ST18: variants seen among roughly 807,000 people sequenced by gnomAD.
ST18 encodes suppression of tumorigenicity 18 protein.
In ST18, 50 loss-of-function variants were observed where a neutral mutation model predicts 110.0. That is an observed-to-expected ratio of 0.45 (90% CI 0.36 to 0.58). The LOEUF (loss-of-function observed/expected upper bound fraction) is 0.58. ST18 is among the 20% of genes least tolerant of loss of function. ST18 has a pLI of 0.00. For missense variants in ST18, 1,306 were observed against 1,280.1 expected, an observed-to-expected ratio of 1.02 and a Z score of -0.31; for synonymous variants, 461 against 452.4, an observed-to-expected ratio of 1.02 and a Z score of -0.24.
chr8:52,129,980 G>T lies in ST18; in HGVS notation c.2666+1978C>A, dbSNP rs186205577. Among the ~76,000 whole-genome samples the T allele has an allele frequency of 2.3e-3, 356 of 152,014 alleles. 1 individual carries two copies. Among genetic ancestry groups the T allele is most frequent in the African/African-American group, 8.3e-3 (342 of 41,446 alleles). ...GAATCATTTGAACTGGGGAGGCAGA[G>T]GTTGCAGTGAGCCGAGGTCGAGCCC... On this transcript the variant is annotated intron_variant, in intron 22 of 25. Transcript: ENST00000689386.
chr8:52,141,696 C>G (rs939737834), intron 17 of ST18, among the ~76,000 whole-genome samples: 1 of 152,076 alleles, frequency 6.6e-6, no homozygotes, highest in African/African-American at 2.4e-5. Context: ...CCTGCAGAAG[C>G]CTTGGGGACA....
At chr8:52,373,282 C>A (rs1443414328) in intron 2 of ST18, among the ~76,000 whole-genome samples, 1 of 152,152 alleles carries the variant, frequency 6.6e-6, no homozygotes, top group Non-Finnish European at 1.5e-5. Flanking sequence ...ACTGTTGAAT[C>A]TCATGATATC....
intron 2 of ST18, among the ~76,000 whole-genome samples, chr8:52,329,367 G>C (rs1808080893): frequency 6.6e-6 from 1 of 151,978 alleles, no homozygotes; most frequent in South Asian, 2.1e-4. Context: ...AGGCTTCATG[G>C]AGACAGCCTC....
At chr8:52,158,406 C>T (rs1192675379) in intron 15 of ST18, among the ~76,000 whole-genome samples, 1 of 152,186 alleles carries the variant, frequency 6.6e-6, no homozygotes, top group Non-Finnish European at 1.5e-5. Flanking sequence ...GCAACTTAGA[C>T]TATCTTATGT....
intron 8 of ST18, among the ~76,000 whole-genome samples, chr8:52,205,859 C>G (rs139400593): frequency 6.6e-6 from 1 of 152,180 alleles, no homozygotes; most frequent in Non-Finnish European, 1.5e-5. Flanking sequence ...TGAGCCACTA[C>G]GCCCGGCCAG....
chr8:52,143,027 G>A lies in ST18; in HGVS notation c.2071C>T (p.Leu691=). 3 of 1,612,158 alleles carry A rather than the reference G, an allele frequency of 1.9e-6. No homozygotes were observed. Among genetic ancestry groups the A allele is most frequent in the Non-Finnish European group, 2.5e-6 (3 of 1,178,354 alleles). ...AACTTTTTTTCCTCTAAATTTTCTAGAGAGCTCACTGGGTCTTTCTGGAAA... is the reference window on the plus strand; with the variant it reads ...AACTTTTTTTCCTCTAAATTTTCTAAAGAGCTCACTGGGTCTTTCTGGAAA... ...EEKEKDPVSS[L]ENLEEKKFPG... is the part of the protein sequence containing the mutation. The change falls in exon 17 of 26, where the codon CTA becomes TTA. Residue 691 remains leucine (L), a synonymous_variant. Transcript: ENST00000689386.
chr8:52,204,912 G>T (rs2079391536), intron 8 of ST18, among the ~76,000 whole-genome samples: 1 of 151,984 alleles, frequency 6.6e-6, no homozygotes, highest in African/African-American at 2.4e-5. Flanking sequence ...AGAAAAACAG[G>T]CAAAGAAAAT....
chr8:52,235,093 T>C (rs1564226587), intron 2 of ST18, among the ~76,000 whole-genome samples: 1 of 151,988 alleles, frequency 6.6e-6, no homozygotes, highest in Non-Finnish European at 1.5e-5. Flanking sequence ...AAATACCACC[T>C]GTTCCCCAAA....
chr8:52,354,011 C>T (rs780349284), intron 2 of ST18, among the ~76,000 whole-genome samples: 2 of 152,258 alleles, frequency 1.3e-5, no homozygotes, highest in Non-Finnish European at 2.9e-5. Context: ...TGAACAGCGT[C>T]TTCCGAATCC....
At chr8:52,126,710 T>C (rs951485876) in intron 22 of ST18, among the ~76,000 whole-genome samples, 4 of 152,220 alleles carry the variant, frequency 2.6e-5, no homozygotes, top group African/African-American at 7.2e-5. Context: ...ACAACATTTT[T>C]CATTAAAAAA....
At chr8:52,167,591 G>C (rs936104649) in intron 10 of ST18, among the ~76,000 whole-genome samples, 1 of 152,188 alleles carries the variant, frequency 6.6e-6, no homozygotes, top group South Asian at 2.1e-4. Context: ...ACACCCCCAC[G>C]GGTTGCCACT....
rs369787582 is a variant in ST18 at position 52,172,259 on chromosome 8, T to C, written c.602A>G (p.Asn201Ser). The C allele has an allele frequency of 8.7e-6, 14 of 1,614,164 alleles. No homozygotes were observed. In the African/African-American group the frequency reaches 1.5e-4, roughly 17 times the overall value. The change falls in exon 10 of 26, where the codon AAT becomes AGT. Residue 201 changes from asparagine to serine, a missense_variant. Transcript: ENST00000689386. The part of the protein sequence containing the change: ...DNESNSESAE[N>S]GWDSGSNFSE... Reference sequence around the variant, plus strand: ...GAAGTTGGAGCCACTGTCCCAGCCATTTTCTGCACTTTCAGAGTTACTTTC... The same window carrying C: ...GAAGTTGGAGCCACTGTCCCAGCCACTTTCTGCACTTTCAGAGTTACTTTC...
intron 2 of ST18, among the ~76,000 whole-genome samples, chr8:52,237,040 T>C (rs944210994): frequency 2.4e-4 from 37 of 152,204 alleles, no homozygotes; most frequent in African/African-American, 8.4e-4. Flanking sequence ...CTCCCTCACC[T>C]TCAGGTTCCT....
At chr8:52,373,515 C>T (rs756205904) in intron 2 of ST18, among the ~76,000 whole-genome samples, 1 of 152,064 alleles carries the variant, frequency 6.6e-6, no homozygotes, top group East Asian at 1.9e-4. Context: ...CGCCCTTTCT[C>T]AGGAGCTCCT....
At chr8:52,262,636 C>T (rs1470975964) in intron 2 of ST18, among the ~76,000 whole-genome samples, 1 of 152,216 alleles carries the variant, frequency 6.6e-6, no homozygotes, top group Non-Finnish European at 1.5e-5. Flanking sequence ...TACATTTTTT[C>T]TGCTGATTTC....
intron 2 of ST18, among the ~76,000 whole-genome samples, chr8:52,306,568 A>T (rs902472776): frequency 6.6e-6 from 1 of 152,280 alleles, no homozygotes; most frequent in African/African-American, 2.4e-5. Flanking sequence ...GAAATCCATG[A>T]AAGATTTTTA....
chr8:52,343,330 C>T (rs1231418592), intron 2 of ST18, among the ~76,000 whole-genome samples: 1 of 152,098 alleles, frequency 6.6e-6, no homozygotes, highest in Non-Finnish European at 1.5e-5. Flanking sequence ...CTCCCAGATG[C>T]GCAGTTCAAG....
intron 7 of ST18, among the ~76,000 whole-genome samples, chr8:52,213,664 A>G (rs1467882788): frequency 6.6e-6 from 1 of 152,222 alleles, no homozygotes; most frequent in East Asian, 1.9e-4. Context: ...TTACATTACC[A>G]TCTGTTGGTT....
At chr8:52,209,628 G>A (rs1047956986) in intron 8 of ST18, among the ~76,000 whole-genome samples, 2 of 151,526 alleles carry the variant, frequency 1.3e-5, no homozygotes, top group Non-Finnish European at 1.5e-5. Flanking sequence ...AAATTAGCCC[G>A]GCATGGTGGC....
Sources: allele counts gnomAD v4.1 joint callset (sites outside exome capture counted in the v4.1 genomes callset), GRCh38; gene constraint gnomAD v4.1.1; transcripts MANE v1.5; gene names NCBI Gene and HGNC (gene_info 2026-07-23, HGNC 2026-07-21).